BEND6: variants seen among roughly 807,000 people sequenced by gnomAD.
The protein encoded by BEND6 is BEN domain-containing protein 6.
In BEND6, 24 loss-of-function variants were observed where a neutral mutation model predicts 31.8. That is an observed-to-expected ratio of 0.75 (90% CI 0.55 to 1.06). The LOEUF (loss-of-function observed/expected upper bound fraction) is 1.06. BEND6 is among the 50% of genes least tolerant of loss of function. The pLI is 0.00. For synonymous variants in BEND6, 109 were observed against 114.6 expected (o/e 0.95, Z 0.31); for missense variants, 294 against 327.4 (o/e 0.90, Z 0.79).
At chr6:56,974,976 G>A (rs753991179) in intron 1 of BEND6, among the ~76,000 whole-genome samples, 25 of 152,180 alleles carry the variant, frequency 1.6e-4, no homozygotes, top group Admixed American at 3.9e-4. Context: ...AAAATTAGTC[G>A]GGCATGATGG....
chr6:56,985,155 GC>G (rs1826211870), intron 2 of BEND6, among the ~76,000 whole-genome samples: 1 of 152,114 alleles, frequency 6.6e-6, no homozygotes, highest in South Asian at 2.1e-4. Flanking sequence ...AGAATCAATG[GC>G]TATCCAGCAT....
chr6:56,958,912 G>T (rs1323258974), intron 1 of BEND6, among the ~76,000 whole-genome samples: 1 of 152,022 alleles, frequency 6.6e-6, no homozygotes, highest in African/African-American at 2.4e-5. Flanking sequence ...AGTTGAGGGG[G>T]GAATGAAGAT....
chr6:56,973,642 C>G (rs1001753044), intron 1 of BEND6, among the ~76,000 whole-genome samples: 3 of 152,152 alleles, frequency 2.0e-5, no homozygotes, highest in Non-Finnish European at 4.4e-5. Context: ...GAGAAGGCTA[C>G]TCTAGTGTAT....
At chr6:56,982,119 C>T (rs1007486281) in intron 2 of BEND6, among the ~76,000 whole-genome samples, 189 bp downstream of exon 2, 7 of 152,084 alleles carry the variant, frequency 4.6e-5, no homozygotes, top group Non-Finnish European at 7.4e-5. Context: ...CAGGGTCTCC[C>T]TGTGTTGCCC....
At chr6:56,963,820 TTAA>T (rs1420798928) in intron 1 of BEND6, among the ~76,000 whole-genome samples, 3 of 143,480 alleles carry the variant, frequency 2.1e-5, no homozygotes, top group East Asian at 3.9e-4. Flanking sequence ...TTTATTACTA[TTAA>T]TAAATTAATA....
intron 1 of BEND6, among the ~76,000 whole-genome samples, chr6:56,980,251 T>C (rs980847817): frequency 2.6e-5 from 4 of 152,146 alleles, no homozygotes; most frequent in Non-Finnish European, 5.9e-5. Flanking sequence ...TGCAGTGGCA[T>C]GATCTCAGTT....
At chr6:57,021,312 T>C (rs963180218) in intron 6 of BEND6, among the ~76,000 whole-genome samples, 6 of 152,184 alleles carry the variant, frequency 3.9e-5, no homozygotes, top group Non-Finnish European at 7.3e-5. Context: ...TACTGTTATA[T>C]TTTTCTGTTC....
intron 6 of BEND6, among the ~76,000 whole-genome samples, chr6:57,021,625 A>G (rs1827744997): frequency 6.6e-6 from 1 of 152,016 alleles, no homozygotes; most frequent in Non-Finnish European, 1.5e-5. Context: ...GCCTGTCTCC[A>G]TTTTTTACTT....
intron 1 of BEND6, among the ~76,000 whole-genome samples, chr6:56,971,503 G>A (rs978218562): frequency 3.9e-5 from 6 of 152,128 alleles, no homozygotes; most frequent in African/African-American, 1.4e-4. Flanking sequence ...AGAATTGCTG[G>A]ATCATATGGT....
intron 1 of BEND6, among the ~76,000 whole-genome samples, chr6:56,960,944 G>T (rs928617255): frequency 1.3e-5 from 2 of 152,152 alleles, no homozygotes; most frequent in African/African-American, 2.4e-5. Context: ...ATATTTCAAA[G>T]AAGAAAGCCA....
chr6:56,962,326 A>T (rs2127838017), intron 1 of BEND6, among the ~76,000 whole-genome samples: 1 of 152,264 alleles, frequency 6.6e-6, no homozygotes, highest in South Asian at 2.1e-4. Context: ...CTCCCTCTCC[A>T]CCACCATATT....
intron 2 of BEND6, 52 bp from the exon 3 acceptor site, chr6:56,992,326 A>G: frequency 1.3e-6 from 2 of 1,525,330 alleles, no homozygotes; most frequent in Admixed American, 2.2e-5. Flanking sequence ...CCAGAGATAA[A>G]CCATTAAAGA....
chr6:57,018,234 C>A (rs1827629915), intron 5 of BEND6, among the ~76,000 whole-genome samples, 187 bp from the exon 6 acceptor site: 1 of 152,166 alleles, frequency 6.6e-6, no homozygotes, highest in South Asian at 2.1e-4. Flanking sequence ...CTTCTGATAT[C>A]TCTTGCTTTA....
intron 1 of BEND6, among the ~76,000 whole-genome samples, chr6:56,964,375 C>T (rs919672517): frequency 2.0e-5 from 3 of 152,198 alleles, no homozygotes; most frequent in Non-Finnish European, 4.4e-5. Context: ...TTTCTGTGAA[C>T]AGGATGTACA....
At chr6:57,020,712 G>A (rs548737482) in intron 6 of BEND6, among the ~76,000 whole-genome samples, 1 of 152,058 alleles carries the variant, frequency 6.6e-6, no homozygotes, top group African/African-American at 2.4e-5. Flanking sequence ...GTGAGCCACC[G>A]TGACCGGCAA....
At chr6:57,014,483 C>G in intron 3 of BEND6, 1 of 1,522,566 alleles carries the variant, frequency 6.6e-7, no homozygotes, top group Non-Finnish European at 8.8e-7. Context: ...GATATAACAA[C>G]AGAGAAGACC....
chr6:56,989,779 A>G (rs140752382), intron 2 of BEND6, among the ~76,000 whole-genome samples: 102 of 152,158 alleles, frequency 6.7e-4, no homozygotes, highest in African/African-American at 2.2e-3. Flanking sequence ...CCTATTTTCT[A>G]TTGAATTGCT....
intron 6 of BEND6, among the ~76,000 whole-genome samples, chr6:57,024,543 C>G (rs192167516): frequency 3.3e-4 from 50 of 151,746 alleles, no homozygotes; most frequent in Admixed American, 2.0e-3. Flanking sequence ...TCACTCCTTT[C>G]TGGCCTGCGT....
At chr6:56,992,669 A>C in intron 3 of BEND6, 114 bp downstream of exon 3, 3 of 1,126,948 alleles carry the variant, frequency 2.7e-6, no homozygotes, top group Non-Finnish European at 3.7e-6. Context: ...CTGGGAGCTC[A>C]AAAAATCACA....
Sources: gnomAD v4.1 joint callset for allele counts (sites outside exome capture counted in the v4.1 genomes callset) on GRCh38, gnomAD v4.1.1 for gene constraint, MANE v1.5 for transcripts, NCBI Gene and HGNC (gene_info 2026-07-23, HGNC 2026-07-21) for gene names.